The following PCBP2 variants were observed in gnomAD, a reference collection of about 807,000 sequenced individuals.
The protein encoded by PCBP2 is poly(rC)-binding protein 2.
PCBP2 carries 4 observed loss-of-function variants against 50.1 expected under a neutral mutation model. That is an observed-to-expected ratio of 0.08 (90% CI 0.04 to 0.18). The LOEUF is 0.18. PCBP2 is among the 10% of genes least tolerant of loss of function. PCBP2 has a pLI of 1.00. For missense variants in PCBP2, 161 were observed against 474.3 expected (o/e 0.34, Z 6.14); for synonymous variants, 179 against 168.0 (o/e 1.07, Z -0.51).
chr12:53,462,579 C>A lies in PCBP2; in HGVS notation c.579+12C>A. The A allele has an allele frequency of 6.2e-7, 1 of 1,606,972 alleles. No individual in the cohort carries two copies. Among genetic ancestry groups the A allele is most frequent in the Non-Finnish European group, 8.5e-7 (1 of 1,174,096 alleles). ...TTGCAGGTGGTCAGGTAAGAAAATT[C>A]TCATTTGTGGGCTAGAATGAACAGA... On this transcript the variant is annotated intron_variant, in intron 8 of 14. Coordinates refer to ENST00000546463, the MANE Select transcript of PCBP2 (RefSeq NM_031989.5).
At chr12:53,455,166 A>T (rs781268192) in intron 2 of PCBP2, among the ~76,000 whole-genome samples, 181 bp from the exon 3 acceptor site, 3 of 152,200 alleles carry the variant, frequency 2.0e-5, no homozygotes, top group Non-Finnish European at 4.4e-5. Flanking sequence ...AAATCTTCAA[A>T]TCTTTCCAAT....
At chr12:53,463,630 G>A (rs1941605136) in intron 8 of PCBP2, among the ~76,000 whole-genome samples, 1 of 152,162 alleles carries the variant, frequency 6.6e-6, no homozygotes, top group Non-Finnish European at 1.5e-5. Context: ...GAATATCCAT[G>A]GATATTTGTT....
intron 1 of PCBP2, 28 bp from the exon 2 acceptor site, chr12:53,454,697 CT>C: frequency 1.3e-6 from 1 of 774,832 alleles, no homozygotes; most frequent in Non-Finnish European, 2.3e-6. Flanking sequence ...TGTTTTCCTC[CT>C]CTGATTTTGG....
rs1941518735 is a variant in PCBP2, at chr12:53,462,563, G to A, written c.575G>A (p.Gly192Asp). 6.2e-7 allele frequency: 1 copy of A among 1,612,478 alleles called. No individual in the cohort carries two copies. The highest frequency in any genetic ancestry group is 1.3e-5 in the African/African-American group (1 of 74,880). ...AGCTCTCCGGTCATCTTTGCAGGTG[G>A]TCAGGTAAGAAAATTCTCATTTGTG... ...PSSSPVIFAGGQDRYSTGSDS... is the reference protein window; with the variant it reads ...PSSSPVIFAGDQDRYSTGSDS... Residue 192 changes from glycine (G) to aspartate (D), a missense_variant, in exon 8 of 15, where the codon GGT becomes GAT. Around this residue, in one of 7 missense-constraint regions of PCBP2, gnomAD observed 35 missense variants for 45.5 expected, o/e 0.77. Coordinates refer to ENST00000546463, the MANE Select transcript of PCBP2 (RefSeq NM_031989.5).
chr12:53,459,154 G>A (rs1941261380), intron 5 of PCBP2, 118 bp from the exon 6 acceptor site: 3 of 749,806 alleles, frequency 4.0e-6, no homozygotes, highest in Non-Finnish European at 5.9e-6. Flanking sequence ...TGTCTATGGT[G>A]GATTATGACC....
At chr12:53,465,750 T>C (rs1325640127) in intron 9 of PCBP2, among the ~76,000 whole-genome samples, 182 bp from the exon 10 acceptor site, 2 of 152,166 alleles carry the variant, frequency 1.3e-5, no homozygotes, top group African/African-American at 4.8e-5. Flanking sequence ...ATATTTAGGG[T>C]TCAAAGAAGG....
chr12:53,478,174 A>G (rs182823830), intron 14 of PCBP2, among the ~76,000 whole-genome samples: 48 of 152,316 alleles, frequency 3.2e-4, no homozygotes, highest in Admixed American at 3.0e-3. Context: ...AGTTGAAACA[A>G]ATTATTTTGT....
At chr12:53,455,286 T>C (rs1007367333) in intron 2 of PCBP2, 61 bp from the exon 3 acceptor site, 11 of 1,481,046 alleles carry the variant, frequency 7.4e-6, no homozygotes, top group African/African-American at 1.4e-5. Flanking sequence ...AAATAAAATA[T>C]ATTTTTAAAA....
intron 9 of PCBP2, 34 bp downstream of exon 9, chr12:53,464,886 C>T (rs776560564): frequency 1.3e-6 from 2 of 1,567,246 alleles, no homozygotes; most frequent in Admixed American, 4.1e-5. Flanking sequence ...AAGGCTCACT[C>T]AATCCTTCCG....
chr12:53,473,088 C>CT (rs774571257), intron 14 of PCBP2, among the ~76,000 whole-genome samples: 1,886 of 143,406 alleles, frequency 0.013, 23 homozygotes, highest in African/African-American at 0.033. Context: ...GTTTTTCTTT[C>CT]TTTTTTTTTT....
intron 14 of PCBP2, 55 bp from the exon 15 acceptor site, chr12:53,479,351 T>C: frequency 6.8e-7 from 1 of 1,467,604 alleles, no homozygotes; most frequent in Non-Finnish European, 9.6e-7. Context: ...CAGGTAGAGA[T>C]GAGGTGCAGC....
intron 13 of PCBP2, among the ~76,000 whole-genome samples, chr12:53,469,819 G>T (rs1001760564): frequency 7.9e-6 from 1 of 126,220 alleles, no homozygotes. Context: ...TTGGCTCACT[G>T]TGACCTCCGT....
intron 11 of PCBP2, 136 bp from the exon 12 acceptor site, chr12:53,467,669 A>G: frequency 1.3e-6 from 1 of 763,148 alleles, no homozygotes; most frequent in South Asian, 1.6e-5. Flanking sequence ...ATTTGTGCCA[A>G]ATTGTGTAGT....
intron 14 of PCBP2, among the ~76,000 whole-genome samples, chr12:53,476,750 C>T (rs190358057): frequency 3.3e-5 from 5 of 152,168 alleles, no homozygotes; most frequent in East Asian, 1.9e-4. Context: ...AAGTGTTACA[C>T]GTCTCAAGTA....
intron 1 of PCBP2, among the ~76,000 whole-genome samples, chr12:53,453,581 AG>A (rs1940748775): frequency 6.6e-6 from 1 of 152,216 alleles, no homozygotes; most frequent in Non-Finnish European, 1.5e-5. Context: ...TTTGTGTTAG[AG>A]GAAAGTTAAC....
chr12:53,456,809 C>G (rs906369312), intron 5 of PCBP2, among the ~76,000 whole-genome samples: 1 of 152,088 alleles, frequency 6.6e-6, no homozygotes, highest in East Asian at 1.9e-4. Context: ...TGTATTCAGT[C>G]CCTCCCTCTC....
chr12:53,454,685 G>T, intron 1 of PCBP2, 41 bp from the exon 2 acceptor site: 1 of 727,154 alleles, frequency 1.4e-6, no homozygotes, highest in East Asian at 2.5e-5. Context: ...TAATAACCTT[G>T]TTGTTTTCCT....
chr12:53,471,929 T>G (rs1012314882), intron 14 of PCBP2, 122 bp downstream of exon 14: 8 of 814,346 alleles, frequency 9.8e-6, no homozygotes, highest in Non-Finnish European at 1.4e-5. Flanking sequence ...AAAAGGTTTT[T>G]TTTTTTTTTT....
intron 14 of PCBP2, among the ~76,000 whole-genome samples, chr12:53,478,894 G>A (rs565867451): frequency 2.6e-5 from 4 of 151,578 alleles, no homozygotes; most frequent in East Asian, 1.9e-4. Context: ...CCTTTAAAAC[G>A]GTATTACCTC....
Sources: allele counts gnomAD v4.1 joint callset (sites outside exome capture counted in the v4.1 genomes callset), GRCh38; gene constraint gnomAD v4.1.1; regional missense constraint gnomAD v4.1.1; transcripts MANE v1.5; gene names NCBI Gene and HGNC (gene_info 2026-07-23, HGNC 2026-07-21).